The following BFSP2 variants were observed in gnomAD, a reference collection of about 807,000 sequenced individuals.
The protein encoded by BFSP2 is beaded filament structural protein 2, also known as phakinin.
Under a neutral mutation model 44.9 loss-of-function variants are expected in BFSP2, and 38 were observed. That is an observed-to-expected ratio of 0.85 (90% CI 0.65 to 1.11). The LOEUF is 1.11. BFSP2 is among the 50% of genes least tolerant of loss of function. The pLI is 0.00. For synonymous variants in BFSP2, 197 were observed against 209.9 expected, an observed-to-expected ratio of 0.94 and a Z score of 0.53; for missense variants, 525 against 533.0, an observed-to-expected ratio of 0.99 and a Z score of 0.15.
intron 1 of BFSP2, among the ~76,000 whole-genome samples, chr3:133,442,395 T>C (rs867638432): frequency 6.6e-6 from 1 of 152,010 alleles, no homozygotes; most frequent in African/African-American, 2.4e-5. Context: ...GCTCAAGCAA[T>C]CCACCCACCC....
chr3:133,402,387 C>A (rs1351240419), intron 1 of BFSP2, among the ~76,000 whole-genome samples: 5 of 152,084 alleles, frequency 3.3e-5, no homozygotes, highest in African/African-American at 7.2e-5. Flanking sequence ...AATCTGTAGA[C>A]AAATAAGAGC....
At chr3:133,446,939 A>G (rs959431301) in intron 1 of BFSP2, among the ~76,000 whole-genome samples, 1 of 151,874 alleles carries the variant, frequency 6.6e-6, no homozygotes, top group African/African-American at 2.4e-5. Flanking sequence ...TTCCAAAGGC[A>G]TCCATGACCA....
intron 4 of BFSP2, among the ~76,000 whole-genome samples, chr3:133,453,034 A>G (rs193200522): frequency 1.6e-3 from 242 of 152,384 alleles, no homozygotes; most frequent in Admixed American, 3.5e-3. Flanking sequence ...TGAAAGCTAC[A>G]TCTCAGAGAA....
At position 133,400,818 on chromosome 3, in the gene BFSP2, A is replaced by G. The variant is rs1361896106; in HGVS notation, c.489+246A>G. Among the ~76,000 whole-genome samples the G allele has an allele frequency of 6.6e-6, 1 of 152,228 alleles. No homozygotes were observed. Among genetic ancestry groups the G allele is most frequent in the African/African-American group, 2.4e-5 (1 of 41,464 alleles). On this transcript the variant is annotated intron_variant, in intron 1 of 6. Coordinates refer to ENST00000302334, the MANE Select transcript of BFSP2 (RefSeq NM_003571.4). This position sits in a 1 kb window ranked among gnomAD's most constrained non-coding sequence, Gnocchi z 4.0. ...ACTTCAAAGAAATGCTATGCAGTGG[A>G]TCATTCACTGATTGCATTTTTCAGA...
At chr3:133,467,347 A>G (rs547301813) in intron 5 of BFSP2, among the ~76,000 whole-genome samples, 4 of 152,340 alleles carry the variant, frequency 2.6e-5, no homozygotes, top group Admixed American at 2.6e-4. Context: ...TTAAAAGCCC[A>G]GCCCTTTTGC....
chr3:133,453,123 G>A (rs1205426206), intron 4 of BFSP2, among the ~76,000 whole-genome samples: 1 of 152,202 alleles, frequency 6.6e-6, no homozygotes, highest in Non-Finnish European at 1.5e-5. Context: ...AATATTTGCA[G>A]AATGAGTGAA....
At chr3:133,416,363 A>T (rs114384299) in intron 1 of BFSP2, among the ~76,000 whole-genome samples, 1 of 82,478 alleles carries the variant, frequency 1.2e-5, no homozygotes, top group African/African-American at 4.8e-5. Flanking sequence ...TGTCCCCTCT[A>T]CTCATGCCTG....
intron 5 of BFSP2, 36 bp from the exon 6 acceptor site, chr3:133,472,302 GGCCTGTT>G: frequency 6.3e-7 from 1 of 1,576,462 alleles, no homozygotes; most frequent in South Asian, 1.1e-5. Flanking sequence ...TCAAGGGCCC[GGCCTGTT>G]GTCCTCGGGT....
chr3:133,426,976 C>T (rs2107900380), intron 1 of BFSP2, among the ~76,000 whole-genome samples: 1 of 152,310 alleles, frequency 6.6e-6, no homozygotes, highest in Non-Finnish European at 1.5e-5. Context: ...CAGGCTGGCT[C>T]ATTTCCCCTG....
intron 4 of BFSP2, 36 bp downstream of exon 4, chr3:133,450,500 A>G (rs760239050): frequency 1.9e-6 from 3 of 1,612,922 alleles, no homozygotes; most frequent in South Asian, 2.2e-5. Flanking sequence ...ACTCTGCCCT[A>G]TGCAGAAGGA....
chr3:133,470,608 T>C (rs1414171623), intron 5 of BFSP2, among the ~76,000 whole-genome samples: 1 of 152,144 alleles, frequency 6.6e-6, no homozygotes, highest in Non-Finnish European at 1.5e-5. Context: ...AGAAAGAAGT[T>C]TCCAGTCTAA....
At chr3:133,474,856 G>A in intron 6 of BFSP2, 113 bp from the exon 7 acceptor site, 1 of 1,410,274 alleles carries the variant, frequency 7.1e-7, no homozygotes, top group Non-Finnish European at 1.0e-6. Flanking sequence ...AAACTATCTT[G>A]TTCCAAAGGC....
rs115415981 is a variant in BFSP2 at position 133,422,326 on chromosome 3, T to C, written c.489+21754T>C. On this transcript the variant is annotated intron_variant, in intron 1 of 6. Coordinates refer to ENST00000302334, the MANE Select transcript of BFSP2 (RefSeq NM_003571.4). ...ATAAAGGCATTGGATCTCACTGACATCTCCCTGCACACACACAGGGAATAG... is the reference window on the plus strand; with the variant it reads ...ATAAAGGCATTGGATCTCACTGACACCTCCCTGCACACACACAGGGAATAG... 2.3e-3 allele frequency among the ~76,000 whole-genome samples: 357 copies of C among 152,144 alleles called. 3 individuals carry two copies. The highest frequency in any genetic ancestry group is 8.3e-3 in the African/African-American group (345 of 41,498).
intron 1 of BFSP2, among the ~76,000 whole-genome samples, chr3:133,422,159 T>C (rs1226290912): frequency 6.7e-6 from 1 of 149,974 alleles, no homozygotes; most frequent in Non-Finnish European, 1.5e-5. Flanking sequence ...CTTGGGCTAT[T>C]GGGGTCCAGA....
rs1375313407 is a variant in BFSP2 at position 133,400,398 on chromosome 3, T to C, written c.315T>C (p.His105=). Residue 105 remains histidine (H), a synonymous_variant, in exon 1 of 7, where the codon CAT becomes CAC. Transcript: ENST00000302334. This position sits in a 1 kb window ranked among gnomAD's most constrained non-coding sequence, Gnocchi z 4.0. ...CGGCTCCAGGTTTGGAGAGGGACCATGGTGCTGTTGAGGACCTAGGGGGCT... is the reference window on the plus strand; with the variant it reads ...CGGCTCCAGGTTTGGAGAGGGACCACGGTGCTGTTGAGGACCTAGGGGGCT... The part of the protein sequence containing the change: ...TVPAPGLERD[H]GAVEDLGGCL... 6.2e-7 allele frequency: 1 copy of C among 1,614,068 alleles called. No homozygotes were observed. The highest frequency in any genetic ancestry group is 1.1e-5 in the South Asian group (1 of 91,084).
intron 6 of BFSP2, 64 bp from the exon 7 acceptor site, chr3:133,474,905 T>A (rs1384110500): frequency 1.9e-6 from 3 of 1,596,972 alleles, no homozygotes; most frequent in Non-Finnish European, 2.6e-6. Context: ...CTCGTAATCC[T>A]ATTGTGATAG....
chr3:133,408,409 G>A (rs556201650), intron 1 of BFSP2, among the ~76,000 whole-genome samples: 4 of 152,100 alleles, frequency 2.6e-5, no homozygotes. Flanking sequence ...AGTGTTGATG[G>A]GAATAGAAAA....
At chr3:133,433,125 A>C (rs577405682) in intron 1 of BFSP2, among the ~76,000 whole-genome samples, 10 of 152,294 alleles carry the variant, frequency 6.6e-5, no homozygotes, top group South Asian at 2.1e-4. Flanking sequence ...GTTCCTGGCC[A>C]GGACTTCAAT....
chr3:133,414,745 C>CTCCA (rs1224519493), intron 1 of BFSP2, among the ~76,000 whole-genome samples: 1 of 131,628 alleles, frequency 7.6e-6, no homozygotes, highest in African/African-American at 2.9e-5. Context: ...TGCCATTTCC[C>CTCCA]CTCTACTCAC....
Sources: gnomAD v4.1 joint callset for allele counts (sites outside exome capture counted in the v4.1 genomes callset) on GRCh38, gnomAD v4.1.1 for gene constraint, Gnocchi (gnomAD v3.1) non-coding constraint, MANE v1.5 for transcripts, NCBI Gene and HGNC (gene_info 2026-07-23, HGNC 2026-07-21) for gene names.